Variants in STK32B observed in about 807,000 individuals in gnomAD.
The protein encoded by STK32B is serine/threonine kinase 32B.
In STK32B, 43 loss-of-function variants were observed where a neutral mutation model predicts 52.6. The ratio of observed to expected loss-of-function variants is 0.82; its 90% CI spans 0.64 to 1.05. The LOEUF (loss-of-function observed/expected upper bound fraction) is 1.05, where lower values mean the gene tolerates loss of function less well. Among genes scored for constraint, STK32B ranks in the 50% least tolerant of loss-of-function variants. The pLI, the probability that STK32B is intolerant of heterozygous loss-of-function variation, is 0.00. For missense variants in STK32B, 621 were observed against 534.6 expected, an observed-to-expected ratio of 1.16 and a Z score of -1.59; for synonymous variants, 238 against 204.3, an observed-to-expected ratio of 1.17 and a Z score of -1.41.
intron 1 of STK32B, among the ~76,000 whole-genome samples, chr4:5,055,042 T>G (rs1741947401): frequency 6.6e-6 from 1 of 152,098 alleles, no homozygotes; most frequent in Non-Finnish European, 1.5e-5. Flanking sequence ...AAAGGGCACG[T>G]TAGCTGAGCC....
intron 3 of STK32B, among the ~76,000 whole-genome samples, chr4:5,170,700 A>C (rs1193786899): frequency 6.6e-6 from 1 of 152,156 alleles, no homozygotes; most frequent in Non-Finnish European, 1.5e-5. Context: ...TTCTTAATCC[A>C]GTCTATCATT....
intron 11 of STK32B, among the ~76,000 whole-genome samples, chr4:5,492,067 T>A (rs938762250): frequency 1.3e-5 from 2 of 152,148 alleles, no homozygotes; most frequent in Non-Finnish European, 2.9e-5. Flanking sequence ...TGCGGGCTCT[T>A]TTTTGGTTCC....
chr4:5,133,059 C>G (rs10937628), intron 1 of STK32B, among the ~76,000 whole-genome samples: 98,228 of 151,932 alleles, frequency 0.65, 34,700 homozygotes, highest in Non-Finnish European at 0.8. Context: ...CAGCCTCCCA[C>G]AGTGCTGGGA....
At chr4:5,078,251 C>T (rs1712201796) in intron 1 of STK32B, among the ~76,000 whole-genome samples, 1 of 152,094 alleles carries the variant, frequency 6.6e-6, no homozygotes, top group Admixed American at 6.6e-5. Context: ...AATCACTGGC[C>T]AAAATGTGCT....
intron 11 of STK32B, among the ~76,000 whole-genome samples, chr4:5,495,291 C>T (rs1358509495): frequency 6.6e-6 from 1 of 152,058 alleles, no homozygotes; most frequent in African/African-American, 2.4e-5. Flanking sequence ...ATTCTTTTTT[C>T]TCTAAACTTC....
chr4:5,095,895 A>G (rs1713363463), intron 1 of STK32B, among the ~76,000 whole-genome samples: 1 of 152,222 alleles, frequency 6.6e-6, no homozygotes, highest in Non-Finnish European at 1.5e-5. Flanking sequence ...TAATCATTCA[A>G]AGTAGTGTTC....
intron 1 of STK32B, among the ~76,000 whole-genome samples, chr4:5,054,738 G>C (rs181875032): frequency 1.3e-5 from 2 of 152,194 alleles, no homozygotes; most frequent in Non-Finnish European, 1.5e-5. Context: ...CGTGGTTGAA[G>C]GTTGAAGATG....
At chr4:5,151,831 G>T (rs1187181434) in intron 2 of STK32B, among the ~76,000 whole-genome samples, 1 of 152,096 alleles carries the variant, frequency 6.6e-6, no homozygotes. Flanking sequence ...CACTGGAGGG[G>T]CTACTGTTTT....
At chr4:5,450,989 T>C (rs1715939938) in intron 7 of STK32B, among the ~76,000 whole-genome samples, 1 of 152,162 alleles carries the variant, frequency 6.6e-6, no homozygotes, top group Non-Finnish European at 1.5e-5. Flanking sequence ...GGTGTTGTGA[T>C]TTGGGCTAAG....
chr4:5,432,396 G>A (rs1392412604), intron 6 of STK32B: 1 of 152,184 alleles, frequency 6.6e-6, no homozygotes, highest in Non-Finnish European at 1.5e-5. Flanking sequence ...AATATAGCAT[G>A]ATAAGGAACT....
chr4:5,370,905 C>G (rs191026288), intron 4 of STK32B, among the ~76,000 whole-genome samples: 27 of 151,442 alleles, frequency 1.8e-4, no homozygotes, highest in African/African-American at 6.3e-4. Context: ...CCTAGGAGGT[C>G]GAGGCTACAG....
chr4:5,299,397 T>C (rs542387312), intron 3 of STK32B, among the ~76,000 whole-genome samples: 1 of 151,384 alleles, frequency 6.6e-6, no homozygotes, highest in African/African-American at 2.5e-5. Flanking sequence ...CTAGGATTTT[T>C]ATGGTTTGAG....
chr4:5,255,637 G>A (rs6446345), intron 3 of STK32B, among the ~76,000 whole-genome samples: 17,903 of 151,856 alleles, frequency 0.12, 2,880 homozygotes, highest in African/African-American at 0.37. Context: ...AGCCATCTGC[G>A]TAACCTCTTT....
intron 1 of STK32B, among the ~76,000 whole-genome samples, chr4:5,116,597 G>A (rs1044578905): frequency 6.6e-6 from 1 of 152,064 alleles, no homozygotes; most frequent in African/African-American, 2.4e-5. Flanking sequence ...TGTTCTTCTT[G>A]TTCAAGGTTG....
At chr4:5,220,950 A>G (rs1019686156) in intron 3 of STK32B, among the ~76,000 whole-genome samples, 3 of 152,196 alleles carry the variant, frequency 2.0e-5, no homozygotes, top group African/African-American at 7.2e-5. Context: ...GAAAGTTGCT[A>G]CCATCTCTTT....
chr4:5,377,322 G>T (rs1476351482), intron 4 of STK32B, among the ~76,000 whole-genome samples: 1 of 152,110 alleles, frequency 6.6e-6, no homozygotes, highest in Non-Finnish European at 1.5e-5. Context: ...ACCTTCAAAG[G>T]GATTAGCTTC....
intron 5 of STK32B, among the ~76,000 whole-genome samples, chr4:5,415,160 T>C (rs1178021653): frequency 6.6e-6 from 1 of 152,174 alleles, no homozygotes; most frequent in Admixed American, 6.5e-5. Context: ...TTTGAGCCAC[T>C]CCTCGGCAGG....
intron 3 of STK32B, among the ~76,000 whole-genome samples, chr4:5,236,472 C>G (rs1724645463): frequency 6.6e-6 from 1 of 152,122 alleles, no homozygotes; most frequent in Admixed American, 6.5e-5. Context: ...ATATTGGCAC[C>G]CTGAGAAACC....
At chr4:5,382,324 C>T (rs1166682142) in intron 4 of STK32B, among the ~76,000 whole-genome samples, 5 of 152,124 alleles carry the variant, frequency 3.3e-5, no homozygotes, top group African/African-American at 4.8e-5. Flanking sequence ...ATAAAATAAA[C>T]AAAATGAGTC....
Sources: allele counts gnomAD v4.1 joint callset (sites outside exome capture counted in the v4.1 genomes callset), GRCh38; gene constraint gnomAD v4.1.1; transcripts MANE v1.5; gene names NCBI Gene and HGNC (gene_info 2026-07-23, HGNC 2026-07-21).